The following ZC3H10 variants were observed in gnomAD, a reference collection of about 807,000 sequenced individuals.
ZC3H10 encodes zinc finger CCCH-type containing 10, also known as zinc finger CCCH domain-containing protein 10.
Under a neutral mutation model 24.3 loss-of-function variants are expected in ZC3H10, and 12 were observed. The observed-to-expected ratio is 0.49, with a 90% CI of 0.32 to 0.80. ZC3H10 has a LOEUF of 0.80. Among genes scored for constraint, ZC3H10 ranks in the 30% least tolerant of loss-of-function variants. The probability of loss-of-function intolerance (pLI) is 0.04; values close to 1 mark genes in which losing one functional copy is unlikely to be tolerated. For missense variants in ZC3H10, 360 were observed against 576.3 expected (o/e 0.62, Z 3.84); for synonymous variants, 226 against 217.0 (o/e 1.04, Z -0.36).
chr12:56,123,185 C>G lies in ZC3H10; in HGVS notation c.*1318C>G, dbSNP rs1330522277. The G allele has an allele frequency of 6.6e-6, 1 of 152,126 alleles. No individual in the cohort carries two copies. Among genetic ancestry groups the G allele is most frequent in the Non-Finnish European group, 1.5e-5 (1 of 68,024 alleles). The allele number at this position is 152,126 out of a possible 1,614,324, so 9.4% of individuals were successfully genotyped here. A position where few individuals can be genotyped will look rare whatever the true frequency, so the allele number is the denominator to read the frequency against. On this transcript the variant is annotated 3_prime_UTR_variant, in exon 3 of 3. Coordinates refer to ENST00000257940, the MANE Select transcript of ZC3H10 (RefSeq NM_032786.3). ...AGGGAAAACAACTCAGGTGTCTAGT[C>G]TAATGGGACAGTAGATTTGGGGGTA...
Position 56,122,856 on chromosome 12 carries a change from T to C in ZC3H10, c.*989T>C, listed in dbSNP as rs1869887187. On this transcript the variant is annotated 3_prime_UTR_variant, in exon 3 of 3. Coordinates refer to ENST00000257940, the MANE Select transcript of ZC3H10 (RefSeq NM_032786.3). Reference sequence around the variant, plus strand: ...GAAATGCGGATGGGATGTTACATAGTTGACAGATCCTTATTCAAACAGAGC... The same window carrying C: ...GAAATGCGGATGGGATGTTACATAGCTGACAGATCCTTATTCAAACAGAGC... The C allele has an allele frequency of 6.6e-6, 1 of 152,272 alleles. No homozygotes were observed. The highest frequency in any genetic ancestry group is 1.5e-5 in the Non-Finnish European group (1 of 68,070). The allele number at this position is 152,272 out of a possible 1,614,324, so 9.4% of individuals were successfully genotyped here. A position where few individuals can be genotyped will look rare whatever the true frequency, so the allele number is the denominator to read the frequency against.
Position 56,124,639 on chromosome 12 carries a change from A to G in ZC3H10, c.*2772A>G, listed in dbSNP as rs761730710. On this transcript the variant is annotated 3_prime_UTR_variant, in exon 3 of 3. Coordinates refer to ENST00000257940, the MANE Select transcript of ZC3H10 (RefSeq NM_032786.3). ...ATCTCTGTTCTCTAGTGATAAGCCCAAGGGCTATGTTTTATTGTAAAAAGA... is the reference window on the plus strand; with the variant it reads ...ATCTCTGTTCTCTAGTGATAAGCCCGAGGGCTATGTTTTATTGTAAAAAGA... The G allele has an allele frequency of 2.0e-5, 3 of 152,256 alleles. No homozygotes were observed. The highest frequency in any genetic ancestry group is 4.8e-5 in the African/African-American group (2 of 41,474). 9.4% of individuals were successfully genotyped at this position (152,256 alleles called of 1,614,324 possible).
rs899009202 is a variant in ZC3H10 at position 56,122,057 on chromosome 12, C to T, written c.*190C>T. 21 of 687,378 alleles carry T rather than the reference C, an allele frequency of 3.1e-5. No homozygotes were observed. Among genetic ancestry groups the T allele is most frequent in the Non-Finnish European group, 3.9e-5 (16 of 415,272 alleles). 42.6% of individuals were successfully genotyped at this position (687,378 alleles called of 1,614,324 possible). ...TCTCTCACCTCCCTTTTATGAGGGT[C>T]CTCTTGTCCATCTTCAAGCCTCACA... On this transcript the variant is annotated 3_prime_UTR_variant, in exon 3 of 3. Coordinates refer to ENST00000257940, the MANE Select transcript of ZC3H10 (RefSeq NM_032786.3).
At chr12:56,118,923 T>G (rs1455457823) in intron 1 of ZC3H10, 165 bp from the exon 2 acceptor site, 1 of 152,674 alleles carries the variant, frequency 6.5e-6, no homozygotes, top group Non-Finnish European at 1.5e-5. Flanking sequence ...TTACTCTTCT[T>G]ACTGGCAACT....
rs934949430 is a variant in ZC3H10, at chr12:56,123,613, G to T, written c.*1746G>T. On this transcript the variant is annotated 3_prime_UTR_variant, in exon 3 of 3. Transcript: ENST00000257940. ...ATTTTTTTATTTTTAGTAGAGACGG[G>T]GTTTCATCGTGTTGGCCAGAATGGT... 6.6e-6 allele frequency: 1 copy of T among 151,860 alleles called. No individual in the cohort carries two copies. The highest frequency in any genetic ancestry group is 2.4e-5 in the African/African-American group (1 of 41,328). The allele number at this position is 151,860 out of a possible 1,614,324, so 9.4% of individuals were successfully genotyped here.
chr12:56,120,187 C>G (rs1010554520), intron 2 of ZC3H10: 68 of 1,028,082 alleles, frequency 6.6e-5, no homozygotes, highest in Admixed American at 1.5e-4. Flanking sequence ...TATTCAGATA[C>G]TGACTGCAGT....
Position 56,125,233 on chromosome 12 carries a change from A to C in ZC3H10, c.*3366A>C, listed in dbSNP as rs1203611884. On this transcript the variant is annotated 3_prime_UTR_variant, in exon 3 of 3. Coordinates refer to ENST00000257940, the MANE Select transcript of ZC3H10 (RefSeq NM_032786.3). ...AAAGGGATTTCTAGAATAATGGCTA[A>C]CTTTTTTTTTTTTTTTTTTTTTGAG... is the stretch of plus-strand genomic sequence containing the variant. The C allele has an allele frequency of 8.7e-6, 1 of 114,788 alleles. No homozygotes were observed. Among genetic ancestry groups the C allele is most frequent in the African/African-American group, 2.9e-5 (1 of 34,792 alleles). 7.1% of individuals were successfully genotyped at this position (114,788 alleles called of 1,614,324 possible).
chr12:56,119,809 G>T (rs1349559271), intron 2 of ZC3H10: 1 of 152,200 alleles, frequency 6.6e-6, no homozygotes. Context: ...AAGGTCACTT[G>T]TTCCTGTGAA....
In ZC3H10 at chr12:56,120,572, C is replaced by T. The variant is rs758524158; in HGVS notation, c.10C>T (p.Arg4Trp). The change falls in exon 3 of 3, where the codon CGG becomes TGG. Residue 4 changes from arginine to tryptophan, a missense_variant. Around this residue, in one of 3 missense-constraint regions of ZC3H10, gnomAD observed 126 missense variants for 208.8 expected, o/e 0.60. Transcript: ENST00000257940. MPD[R>W]DSYANGTGSS... Reference sequence around the variant, plus strand: ...GTTGGGCGGGACCAGGATGCCTGACCGGGACAGCTATGCCAACGGTACCGG... The same window carrying T: ...GTTGGGCGGGACCAGGATGCCTGACTGGGACAGCTATGCCAACGGTACCGG... 14 of 1,542,470 alleles carry T rather than the reference C, an allele frequency of 9.1e-6. No individual in the cohort carries two copies. The highest frequency in any genetic ancestry group is 5.9e-5 in the Admixed American group (3 of 50,842).
In ZC3H10 at chr12:56,122,613, G is replaced by T; in HGVS notation, c.*746G>T. 6.5e-6 allele frequency: 1 copy of T among 154,874 alleles called. No homozygotes were observed. The allele number at this position is 154,874 out of a possible 1,614,324, so 9.6% of individuals were successfully genotyped here. A position where few individuals can be genotyped will look rare whatever the true frequency, so the allele number is the denominator to read the frequency against. Reference sequence around the variant, plus strand: ...TCACATAGCTTTGGTAAGATGGATAGAAGCCAGTGAAGAAGGGTAGGGACC... The same window carrying T: ...TCACATAGCTTTGGTAAGATGGATATAAGCCAGTGAAGAAGGGTAGGGACC... On this transcript the variant is annotated 3_prime_UTR_variant, in exon 3 of 3. Transcript: ENST00000257940.
intron 2 of ZC3H10, chr12:56,120,106 G>A: frequency 1.7e-6 from 1 of 585,896 alleles, no homozygotes; most frequent in Non-Finnish European, 2.2e-6. Context: ...TTTGTTACCA[G>A]TGTCCCATCT....
At position 56,121,638 on chromosome 12, in the gene ZC3H10, C is replaced by T; in HGVS notation, c.1076C>T (p.Thr359Ile). The change falls in exon 3 of 3, where the codon ACC becomes ATC. Residue 359 changes from threonine (T) to isoleucine (I), a missense_variant. By Grantham distance (89) the Thr-to-Ile change is moderately conservative. Transcript: ENST00000257940. This position sits in a 1 kb window ranked among gnomAD's most constrained non-coding sequence, Gnocchi z 6.2. ...AAPPPPPPHL[T>I]PEITPLSAAL... is the part of the protein sequence containing the mutation. Reference sequence around the variant, plus strand: ...CCACCACCCCCACCCCCACACTTGACCCCAGAGATCACGCCACTGTCAGCT... The same window carrying T: ...CCACCACCCCCACCCCCACACTTGATCCCAGAGATCACGCCACTGTCAGCT... 6.2e-7 allele frequency: 1 copy of T among 1,613,428 alleles called. No homozygotes were observed. The highest frequency in any genetic ancestry group is 8.5e-7 in the Non-Finnish European group (1 of 1,179,658).
rs1246408700 is a variant in ZC3H10, at chr12:56,127,280, ACCTT to A, written c.*5419_*5422del. 2.6e-5 allele frequency: 4 copies of A among 152,178 alleles called. No individual in the cohort carries two copies. Among genetic ancestry groups the A allele is most frequent in the African/African-American group, 7.2e-5 (3 of 41,428 alleles). 9.4% of individuals were successfully genotyped at this position (152,178 alleles called of 1,614,324 possible). A position where few individuals can be genotyped will look rare whatever the true frequency, so the allele number is the denominator to read the frequency against. ...AGTTCTGCACCTGACTGTATGGCAA[ACCTT>A]CCTTCTAACTCAGGCAAATGTGAAA... On this transcript the variant is annotated 3_prime_UTR_variant, in exon 3 of 3. Transcript: ENST00000257940.
chr12:56,123,854 A>G lies in ZC3H10; in HGVS notation c.*1987A>G, dbSNP rs1869919671. The G allele has an allele frequency of 6.6e-6, 1 of 152,152 alleles. No individual in the cohort carries two copies. The highest frequency in any genetic ancestry group is 2.1e-4 in the South Asian group (1 of 4,830). The allele number at this position is 152,152 out of a possible 1,614,324, so 9.4% of individuals were successfully genotyped here. A position where few individuals can be genotyped will look rare whatever the true frequency, so the allele number is the denominator to read the frequency against. On this transcript the variant is annotated 3_prime_UTR_variant, in exon 3 of 3. Transcript: ENST00000257940. ...ATCTCCAAAGAGGTAGATTTGGGAAATTTTAGACATTGTATGTCTTGTATG... is the reference window on the plus strand; with the variant it reads ...ATCTCCAAAGAGGTAGATTTGGGAAGTTTTAGACATTGTATGTCTTGTATG...
chr12:56,120,254 A>C, intron 2 of ZC3H10: 1 of 985,470 alleles, frequency 1.0e-6, no homozygotes, highest in Non-Finnish European at 1.2e-6. Context: ...GATGAATTCC[A>C]ACACTATTTT....
At position 56,120,977 on chromosome 12, in the gene ZC3H10, A is replaced by G; in HGVS notation, c.415A>G (p.Ile139Val). Residue 139 changes from isoleucine (I) to valine (V), a missense_variant, in exon 3 of 3, where the codon ATC becomes GTC. Coordinates refer to ENST00000257940, the MANE Select transcript of ZC3H10 (RefSeq NM_032786.3). ...DLPNGKEEVP[I>V]CRDFLKGDCQ... is the part of the protein sequence containing the mutation. ...ACCAAATGGCAAGGAGGAGGTCCCT[A>G]TCTGCCGTGACTTTCTCAAGGGTGA... 1 of 1,614,156 alleles carries G rather than the reference A, an allele frequency of 6.2e-7. No individual in the cohort carries two copies. Among genetic ancestry groups the G allele is most frequent in the Non-Finnish European group, 8.5e-7 (1 of 1,180,028 alleles).
At chr12:56,120,224 A>C in intron 2 of ZC3H10, 1 of 985,464 alleles carries the variant, frequency 1.0e-6, no homozygotes, top group Admixed American at 6.1e-5. Context: ...CAACTTTAAT[A>C]AGGTCAGCTC....
rs978533671 is a variant in ZC3H10 at position 56,123,815 on chromosome 12, C to T, written c.*1948C>T. ...GTCAAATCCTGACTGACTTTATTTC[C>T]TCCTTGCCAGGTTATCTCCAAAGAG... On this transcript the variant is annotated 3_prime_UTR_variant, in exon 3 of 3. Coordinates refer to ENST00000257940, the MANE Select transcript of ZC3H10 (RefSeq NM_032786.3). 6.6e-6 allele frequency: 1 copy of T among 152,138 alleles called. No homozygotes were observed. The highest frequency in any genetic ancestry group is 1.5e-5 in the Non-Finnish European group (1 of 68,028). 9.4% of individuals were successfully genotyped at this position (152,138 alleles called of 1,614,324 possible).
Position 56,120,682 on chromosome 12 carries a change from C to T in ZC3H10, c.120C>T (p.Ala40=), listed in dbSNP as rs144403039. The T allele has an allele frequency of 1.8e-4, 286 of 1,609,782 alleles. 2 individuals carry two copies. In the Middle Eastern group the frequency reaches 6.8e-3, roughly 38 times the overall value. Residue 40 remains alanine, a synonymous_variant, in exon 3 of 3, where the codon GCC becomes GCT. Coordinates refer to ENST00000257940, the MANE Select transcript of ZC3H10 (RefSeq NM_032786.3). ...GCAGTGGCGGGGCCAGCTCAGATGCCATCTGTAGAGACTTCTTGAGGAATG... is the reference window on the plus strand; with the variant it reads ...GCAGTGGCGGGGCCAGCTCAGATGCTATCTGTAGAGACTTCTTGAGGAATG... ...GVGSGGASSD[A]ICRDFLRNVC...
Sources: allele counts gnomAD v4.1 joint callset, GRCh38; gene constraint gnomAD v4.1.1; regional missense constraint gnomAD v4.1.1; non-coding constraint Gnocchi (gnomAD v3.1); transcripts MANE v1.5; gene names NCBI Gene and HGNC (gene_info 2026-07-23, HGNC 2026-07-21).